The following PHF21A variants were observed in gnomAD, a reference collection of about 807,000 sequenced individuals.
PHF21A encodes the protein BHC80a.
A neutral mutation model predicts 82.5 loss-of-function variants in PHF21A; 11 were observed. That is an observed-to-expected ratio of 0.13 (90% CI 0.08 to 0.22). The LOEUF (loss-of-function observed/expected upper bound fraction) is 0.22. Among genes scored for constraint, PHF21A ranks in the 10% least tolerant of loss-of-function variants. The probability of loss-of-function intolerance (pLI) is 1.00; values close to 1 mark genes in which losing one functional copy is unlikely to be tolerated. For missense variants in PHF21A, 579 were observed against 837.8 expected (o/e 0.69, Z 3.81); for synonymous variants, 297 against 302.8 (o/e 0.98, Z 0.20).
intron 6 of PHF21A, among the ~76,000 whole-genome samples, chr11:46,013,634 T>C (rs538936631): frequency 1.1e-4 from 16 of 152,308 alleles, no homozygotes; most frequent in Middle Eastern, 3.4e-3. Flanking sequence ...GGTCATTTCA[T>C]TGCTGTGCGA....
At chr11:46,043,663 CA>C (rs1254564737) in intron 6 of PHF21A, among the ~76,000 whole-genome samples, 4 of 151,900 alleles carry the variant, frequency 2.6e-5, no homozygotes, top group Non-Finnish European at 5.9e-5. Flanking sequence ...TTTTAGAAGT[CA>C]GCAGCTTTTT....
chr11:46,056,182 A>G (rs2096453990), intron 6 of PHF21A, among the ~76,000 whole-genome samples: 1 of 152,162 alleles, frequency 6.6e-6, no homozygotes, highest in East Asian at 1.9e-4. Context: ...AGGAGAAAAC[A>G]GAACTATTTA....
intron 11 of PHF21A, among the ~76,000 whole-genome samples, 193 bp downstream of exon 11, chr11:45,953,334 C>A (rs2092342356): frequency 1.3e-5 from 2 of 152,198 alleles, no homozygotes; most frequent in African/African-American, 4.8e-5. Context: ...AGTGCATGGA[C>A]CCTCAAGACT....
chr11:45,966,658 T>C (rs2093452702), intron 9 of PHF21A, among the ~76,000 whole-genome samples: 1 of 152,168 alleles, frequency 6.6e-6, no homozygotes, highest in Non-Finnish European at 1.5e-5. Flanking sequence ...TCTCGCTCTG[T>C]TGCCAGGCTG....
At chr11:46,080,575 CTAT>C (rs2096779042) in intron 4 of PHF21A, among the ~76,000 whole-genome samples, 1 of 152,192 alleles carries the variant, frequency 6.6e-6, no homozygotes, top group African/African-American at 2.4e-5. Flanking sequence ...TCCCAAACTA[CTAT>C]GTGTTAAAGT....
At chr11:46,077,895 C>A (rs966344982) in intron 5 of PHF21A, among the ~76,000 whole-genome samples, 9 of 152,078 alleles carry the variant, frequency 5.9e-5, no homozygotes, top group African/African-American at 2.2e-4. Flanking sequence ...CCTCTTGGTT[C>A]CCTAAATCTA....
intron 1 of PHF21A, among the ~76,000 whole-genome samples, chr11:46,099,957 C>T (rs1444999426): frequency 2.0e-5 from 3 of 152,158 alleles, no homozygotes; most frequent in African/African-American, 7.2e-5. Flanking sequence ...TGTAGTCCAA[C>T]ATATTGATCC....
In PHF21A at chr11:46,094,265, T is replaced by TA. The variant is rs577847383; in HGVS notation, c.-236-2043dup. ...AGGAGCAGGGCCAATCCTGAACTGA[T>TA]AAAGAATTTTGCCATGATATCCTGA... is the stretch of plus-strand genomic sequence containing the variant. On this transcript the variant is annotated intron_variant, in intron 1 of 18. Transcript: ENST00000676320. 9.8e-5 allele frequency among the ~76,000 whole-genome samples: 15 copies of TA among 152,332 alleles called. No individual in the cohort carries two copies. The East Asian group carries it at 2.3e-3, about 23-fold the overall frequency.
intron 6 of PHF21A, among the ~76,000 whole-genome samples, chr11:46,018,434 G>C (rs1476620761): frequency 6.6e-6 from 1 of 152,108 alleles, no homozygotes; most frequent in Non-Finnish European, 1.5e-5. Context: ...GGTGTATTTG[G>C]CCAGTTGGGA....
chr11:46,119,744 GAAAAAA>G (rs60856235), intron 1 of PHF21A: 2,611 of 139,964 alleles, frequency 0.019, 38 homozygotes, highest in Non-Finnish European at 0.027. Context: ...GTGGTCAGGG[GAAAAAA>G]AAAAAAAAGA....
intron 6 of PHF21A, among the ~76,000 whole-genome samples, chr11:46,026,102 T>G (rs1427416228): frequency 6.6e-6 from 1 of 152,194 alleles, no homozygotes; most frequent in African/African-American, 2.4e-5. Context: ...TTCTGACTAT[T>G]CGTACTTAGG....
At chr11:46,023,631 T>C (rs1472636857) in intron 6 of PHF21A, among the ~76,000 whole-genome samples, 1 of 152,200 alleles carries the variant, frequency 6.6e-6, no homozygotes, top group African/African-American at 2.4e-5. Flanking sequence ...TAAAGGATTC[T>C]TTATCCTCAG....
chr11:45,979,321 A>G (rs1195893496), intron 7 of PHF21A, among the ~76,000 whole-genome samples: 1 of 152,096 alleles, frequency 6.6e-6, no homozygotes, highest in Non-Finnish European at 1.5e-5. Flanking sequence ...GCCCAGCCAT[A>G]GCACCCTTCC....
chr11:45,959,465 T>C (rs1266184731), intron 10 of PHF21A, among the ~76,000 whole-genome samples: 1 of 152,228 alleles, frequency 6.6e-6, no homozygotes, highest in African/African-American at 2.4e-5. Context: ...TGGTGAAAGC[T>C]TTCCACTTGA....
chr11:46,117,352 A>C (rs1851624720), intron 1 of PHF21A: 1 of 152,242 alleles, frequency 6.6e-6, no homozygotes, highest in South Asian at 2.1e-4. Context: ...ACCATGTGCT[A>C]TAAATGCTAT....
intron 15 of PHF21A, among the ~76,000 whole-genome samples, chr11:45,940,876 C>T (rs1018748200): frequency 6.6e-6 from 1 of 152,200 alleles, no homozygotes; most frequent in African/African-American, 2.4e-5. Flanking sequence ...GAGGCGTTCA[C>T]TTTCCTTTGC....
chr11:46,062,677 C>T (rs900669307), intron 6 of PHF21A, among the ~76,000 whole-genome samples: 8 of 152,010 alleles, frequency 5.3e-5, no homozygotes, highest in Non-Finnish European at 1.2e-4. Flanking sequence ...AAGATTGAAG[C>T]GCTAAGAATG....
intron 1 of PHF21A, among the ~76,000 whole-genome samples, chr11:46,103,054 G>T (rs940084080): frequency 6.6e-6 from 1 of 152,130 alleles, no homozygotes; most frequent in South Asian, 2.1e-4. Flanking sequence ...CTACACAGGA[G>T]CACCACCGGC....
intron 6 of PHF21A, among the ~76,000 whole-genome samples, chr11:46,004,958 C>T (rs2095257847): frequency 6.6e-6 from 1 of 152,110 alleles, no homozygotes; most frequent in East Asian, 1.9e-4. Context: ...TACTTTTTCC[C>T]TTTACAATAA....
Sources: gnomAD v4.1 joint callset for allele counts (sites outside exome capture counted in the v4.1 genomes callset) on GRCh38, gnomAD v4.1.1 for gene constraint, MANE v1.5 for transcripts, NCBI Gene and HGNC (gene_info 2026-07-23, HGNC 2026-07-21) for gene names.